SLCO5A1: variants seen among roughly 807,000 people sequenced by gnomAD.
SLCO5A1 encodes solute carrier organic anion transporter family member 5A1.
In SLCO5A1, 39 loss-of-function variants were observed where a neutral mutation model predicts 65.1. The ratio of observed to expected loss-of-function variants is 0.60; its 90% confidence interval spans 0.46 to 0.78. The LOEUF (loss-of-function observed/expected upper bound fraction) is 0.78. Among genes scored for constraint, SLCO5A1 ranks in the 30% least tolerant of loss-of-function variants. The pLI is 0.00. For synonymous variants in SLCO5A1, 438 were observed against 415.7 expected (o/e 1.05, Z -0.65); for missense variants, 1,029 against 1,069.4 (o/e 0.96, Z 0.53).
chr8:69,728,214 T>A (rs923523026), intron 5 of SLCO5A1, among the ~76,000 whole-genome samples: 2 of 152,118 alleles, frequency 1.3e-5, no homozygotes, highest in Non-Finnish European at 2.9e-5. Context: ...ATATATTATA[T>A]ATATTGCATA....
intron 6 of SLCO5A1, among the ~76,000 whole-genome samples, chr8:69,699,789 A>C (rs559613460): frequency 6.6e-6 from 1 of 152,358 alleles, no homozygotes; most frequent in East Asian, 1.9e-4. Flanking sequence ...GTTAGAAACA[A>C]GGGACATTCT....
chr8:69,698,418 C>T (rs1310881070), intron 6 of SLCO5A1, among the ~76,000 whole-genome samples: 2 of 152,118 alleles, frequency 1.3e-5, no homozygotes, highest in African/African-American at 2.4e-5. Flanking sequence ...TTAAGTTCTT[C>T]GAGAAACCAT....
intron 2 of SLCO5A1, among the ~76,000 whole-genome samples, chr8:69,784,840 A>AAAGAAAGG (rs1554620828): frequency 1.9e-4 from 28 of 147,694 alleles, no homozygotes; most frequent in Admixed American, 1.0e-3. Context: ...AGAAAGAAAG[A>AAAGAAAGG]AAGAAAGAAA....
intron 2 of SLCO5A1, among the ~76,000 whole-genome samples, chr8:69,813,646 C>T (rs185135677): frequency 3.3e-5 from 5 of 152,314 alleles, no homozygotes; most frequent in Non-Finnish European, 5.9e-5. Context: ...AGGTGGAGAA[C>T]ATGCTCAAGG....
At chr8:69,743,611 T>G (rs1439953100) in intron 4 of SLCO5A1, among the ~76,000 whole-genome samples, 1 of 152,182 alleles carries the variant, frequency 6.6e-6, no homozygotes, top group Non-Finnish European at 1.5e-5. Context: ...TTATTTAGTT[T>G]GATAAGAAAT....
chr8:69,769,318 G>A (rs1056123438), intron 2 of SLCO5A1, among the ~76,000 whole-genome samples: 4 of 136,990 alleles, frequency 2.9e-5, no homozygotes, highest in African/African-American at 1.3e-4. Context: ...AGCTAGGTTA[G>A]ACAGACTTCA....
At chr8:69,801,207 G>T (rs1380197361) in intron 2 of SLCO5A1, among the ~76,000 whole-genome samples, 1 of 152,158 alleles carries the variant, frequency 6.6e-6, no homozygotes, top group East Asian at 1.9e-4. Flanking sequence ...CCTTGACCAA[G>T]ATTCTATTGC....
intron 2 of SLCO5A1, chr8:69,772,989 T>C (rs1818397670): frequency 1.0e-6 from 1 of 984,584 alleles, no homozygotes. Context: ...GGGAAAGGAA[T>C]GATACGTTAT....
chr8:69,799,529 C>G (rs565818288), intron 2 of SLCO5A1, among the ~76,000 whole-genome samples: 50 of 152,138 alleles, frequency 3.3e-4, no homozygotes, highest in Non-Finnish European at 5.7e-4. Flanking sequence ...TCTCTTGATT[C>G]CTATAAAGGT....
At chr8:69,742,648 C>A (rs567538314) in intron 4 of SLCO5A1, among the ~76,000 whole-genome samples, 131 of 152,228 alleles carry the variant, frequency 8.6e-4, no homozygotes, top group South Asian at 6.0e-3. Context: ...GTATAGGCGG[C>A]CCCATCATCA....
rs142293423 is a variant in SLCO5A1 at position 69,832,398 on chromosome 8, G to A, written c.276C>T (p.Leu92=). The A allele has an allele frequency of 2.2e-3, 3,613 of 1,612,314 alleles. 8 individuals are homozygous for A. The highest frequency in any genetic ancestry group is 2.7e-3 in the Non-Finnish European group (3,165 of 1,179,288). Residue 92 remains leucine (L), a synonymous_variant, in exon 2 of 10, where the codon CTC becomes CTT. Transcript: ENST00000260126. The surrounding 1 kb of genome is among the most constrained non-coding windows in gnomAD (Gnocchi z 4.5). ...SPSAPSTSAG[L]GDCNHRVDLS... is the part of the protein sequence containing the mutation. ...GGTCCACCCTGTGGTTACAGTCCCC[G>A]AGCCCCGCCGAAGTGGACGGGGCAG...
intron 5 of SLCO5A1, chr8:69,713,699 T>C (rs1195085721): frequency 6.6e-6 from 1 of 152,172 alleles, no homozygotes; most frequent in Non-Finnish European, 1.5e-5. Context: ...TCATAATAAC[T>C]CAAAATCATG....
intron 2 of SLCO5A1, among the ~76,000 whole-genome samples, chr8:69,813,498 G>C (rs1237710946): frequency 2.0e-5 from 3 of 152,136 alleles, no homozygotes; most frequent in Admixed American, 1.3e-4. Context: ...ACAGTTTAAC[G>C]AGCAGTCATA....
rs1458893903 is a variant in SLCO5A1, at chr8:69,832,209, G to T, written c.465C>A (p.Thr155=). Reference sequence around the variant, plus strand: ...TCTTCAGACTGTAGCGCCTTTCAATGGTGGTAATTACGCTGCTCAGGTACC... The same window carrying T: ...TCTTCAGACTGTAGCGCCTTTCAATTGTGGTAATTACGCTGCTCAGGTACC... ...VSGYLSSVIT[T]IERRYSLKSS... The change falls in exon 2 of 10, where the codon ACC becomes ACA. Residue 155 remains threonine (T), a synonymous_variant. Coordinates refer to ENST00000260126, the MANE Select transcript of SLCO5A1 (RefSeq NM_030958.3). The surrounding 1 kb of genome is among the most constrained non-coding windows in gnomAD (Gnocchi z 4.5). The T allele has an allele frequency of 6.2e-7, 1 of 1,614,174 alleles. No homozygotes were observed. Among genetic ancestry groups the T allele is most frequent in the Non-Finnish European group, 8.5e-7 (1 of 1,180,042 alleles).
At chr8:69,774,200 TC>T (rs1818465202) in intron 2 of SLCO5A1, among the ~76,000 whole-genome samples, 1 of 152,210 alleles carries the variant, frequency 6.6e-6, no homozygotes, top group Admixed American at 6.5e-5. Context: ...AGCTGCAGCT[TC>T]GTCCTTACAT....
At chr8:69,698,066 T>C (rs944901913) in intron 6 of SLCO5A1, among the ~76,000 whole-genome samples, 1 of 152,158 alleles carries the variant, frequency 6.6e-6, no homozygotes, top group African/African-American at 2.4e-5. Flanking sequence ...TTTGTGTCCA[T>C]GTGTACTCAG....
intron 2 of SLCO5A1, among the ~76,000 whole-genome samples, chr8:69,808,173 T>TC (rs1011012087): frequency 2.0e-5 from 3 of 152,062 alleles, no homozygotes; most frequent in African/African-American, 7.2e-5. Context: ...CTTTTTTTTT[T>TC]TTTTACTTTT....
chr8:69,686,306 AATCTTC>A (rs1814001094), intron 6 of SLCO5A1, among the ~76,000 whole-genome samples: 1 of 151,780 alleles, frequency 6.6e-6, no homozygotes, highest in Non-Finnish European at 1.5e-5. Context: ...ATAATTTCTT[AATCTTC>A]ATCAATTTAT....
At chr8:69,828,373 C>T (rs542194021) in intron 2 of SLCO5A1, among the ~76,000 whole-genome samples, 2,067 of 151,718 alleles carry the variant, frequency 0.014, 19 homozygotes, top group Non-Finnish European at 0.024. Context: ...GAGGCCAAGG[C>T]GGGTGGATCA....
Sources: gnomAD v4.1 joint callset for allele counts (sites outside exome capture counted in the v4.1 genomes callset) on GRCh38, gnomAD v4.1.1 for gene constraint, Gnocchi (gnomAD v3.1) non-coding constraint, MANE v1.5 for transcripts, NCBI Gene and HGNC (gene_info 2026-07-23, HGNC 2026-07-21) for gene names.